Variants in ELANE observed in about 807,000 individuals in gnomAD.
ELANE encodes neutrophil elastase.
ELANE carries 12 observed loss-of-function variants against 20.6 expected under a neutral mutation model. That is an observed-to-expected ratio of 0.58 (90% CI 0.37 to 0.94). The LOEUF is 0.94. Ranked by LOEUF, ELANE falls within the 40% of genes least tolerant of loss-of-function variation. The pLI, the probability that ELANE is intolerant of heterozygous loss-of-function variation, is 0.01. For synonymous variants in ELANE, 203 were observed against 177.4 expected, an observed-to-expected ratio of 1.14 and a Z score of -1.15; for missense variants, 388 against 395.2, an observed-to-expected ratio of 0.98 and a Z score of 0.15.
At chr19:854,429 C>CAA (rs113532242) in intron 3 of ELANE, among the ~76,000 whole-genome samples, 43 of 125,636 alleles carry the variant, frequency 3.4e-4, no homozygotes, top group African/African-American at 1.2e-3. Context: ...GCCTGGGTCT[C>CAA]AAAAAAAAAA....
rs1568303962 is a variant in ELANE at position 852,813 on chromosome 19, C to T, written c.68-63C>T. 6 of 1,557,296 alleles carry T rather than the reference C, an allele frequency of 3.9e-6. No homozygotes were observed. The African/African-American group carries it at 5.4e-5, about 14-fold the overall frequency. Reference sequence around the variant, plus strand: ...TTCCTGGTGGGGGATCCAGAGGCCCCGTGGCCGGGAGGGGACAGGCTCCTT... The same window carrying T: ...TTCCTGGTGGGGGATCCAGAGGCCCTGTGGCCGGGAGGGGACAGGCTCCTT... On this transcript the variant is annotated intron_variant, in intron 1 of 4. Transcript: ENST00000263621.
Position 855,839 on chromosome 19 carries a change from C to A in ELANE, c.597+45C>A. Reference sequence around the variant, plus strand: ...CTCTGCTCCCCACCCGCTCCCAGCCCGGACTGCAGCAACAGGCACCGTGGC... The same window carrying A: ...CTCTGCTCCCCACCCGCTCCCAGCCAGGACTGCAGCAACAGGCACCGTGGC... On this transcript the variant is annotated intron_variant, in intron 4 of 4. Coordinates refer to ENST00000263621, the MANE Select transcript of ELANE (RefSeq NM_001972.4). The surrounding 1 kb of genome is among the most constrained non-coding windows in gnomAD (Gnocchi z 6.2). The A allele has an allele frequency of 6.2e-7, 1 of 1,605,168 alleles. No homozygotes were observed. The highest frequency in any genetic ancestry group is 8.5e-7 in the Non-Finnish European group (1 of 1,178,412).
chr19:853,603 G>A (rs1476283549), intron 3 of ELANE, among the ~76,000 whole-genome samples, 200 bp downstream of exon 3: 1 of 152,200 alleles, frequency 6.6e-6, no homozygotes, highest in East Asian at 1.9e-4. Flanking sequence ...GGGGTTAAAT[G>A]AGATCCTGCA....
In ELANE at chr19:855,867, G is replaced by A; in HGVS notation, c.597+73G>A. ...ACTGCAGCAACAGGCACCGTGGCTA[G>A]ACCCTAGGAGGGACTTCCCAACCCT... On this transcript the variant is annotated intron_variant, in intron 4 of 4. Coordinates refer to ENST00000263621, the MANE Select transcript of ELANE (RefSeq NM_001972.4). The surrounding 1 kb of genome is among the most constrained non-coding windows in gnomAD (Gnocchi z 6.2). 6.2e-7 allele frequency: 1 copy of A among 1,604,670 alleles called. No individual in the cohort carries two copies.
chr19:853,514 T>C (rs986025176), intron 3 of ELANE, 111 bp downstream of exon 3: 1 of 1,333,854 alleles, frequency 7.5e-7, no homozygotes. Context: ...TGGGGTGGCA[T>C]CGTGGGCTGG....
rs1322402865 is a variant in ELANE, at chr19:853,308, C to T, written c.271C>T (p.Arg91Trp). 3 of 1,610,766 alleles carry T rather than the reference C, an allele frequency of 1.9e-6. No individual in the cohort carries two copies. The highest frequency in any genetic ancestry group is 1.7e-4 in the Middle Eastern group (1 of 6,052). The change falls in exon 3 of 5, where the codon CGG (arginine) becomes TGG (tryptophan). Residue 91 changes from arginine to tryptophan, a missense_variant. Around this residue, in one of 3 missense-constraint regions of ELANE, gnomAD observed 321 missense variants for 309.8 expected, o/e 1.04. Transcript: ENST00000263621. ...GGTCCTGGGAGCCCATAACCTCTCGCGGCGGGAGCCCACCCGGCAGGTGTT... is the reference window on the plus strand; with the variant it reads ...GGTCCTGGGAGCCCATAACCTCTCGTGGCGGGAGCCCACCCGGCAGGTGTT... ...RVVLGAHNLS[R>W]REPTRQVFAV... is the part of the protein sequence containing the mutation.
chr19:854,761 CATTT>C (rs1197165250), intron 3 of ELANE, among the ~76,000 whole-genome samples: 1 of 141,708 alleles, frequency 7.1e-6, no homozygotes. Flanking sequence ...TTATAAATAT[CATTT>C]ATAATTATAA....
rs2035679367 is a variant in ELANE, at chr19:856,156, A to AG, written c.796_797insG (p.Thr266SerfsTer24). 6.2e-7 allele frequency: 1 copy of AG among 1,612,824 alleles called. No individual in the cohort carries two copies. Among genetic ancestry groups the AG allele is most frequent in the Non-Finnish European group, 8.5e-7 (1 of 1,180,028 alleles). On this transcript the variant is annotated frameshift_variant, in exon 5 of 5. Coordinates refer to ENST00000263621, the MANE Select transcript of ELANE (RefSeq NM_001972.4). LOFTEE classifies it high-confidence loss of function. Reference sequence around the variant, plus strand: ...CCGGGACCCGGACCCGGCCAGCAGGACCCACTGAGAAGGGCTGCCCGGGTC... The same window carrying AG: ...CCGGGACCCGGACCCGGCCAGCAGGAGCCCACTGAGAAGGGCTGCCCGGGTC...
intron 3 of ELANE, among the ~76,000 whole-genome samples, chr19:854,712 A>T (rs2035648481): frequency 6.8e-6 from 1 of 146,086 alleles, no homozygotes; most frequent in South Asian, 2.1e-4. Context: ...AATATATAAT[A>T]TTTATAATTA....
In ELANE at chr19:856,025, G is replaced by A. The variant is rs1555710104; in HGVS notation, c.665G>A (p.Gly222Asp). ...IHGIASFVRG[G>D]CASGLYPDAF... is the part of the protein sequence containing the mutation. ...GGAATTGCCTCCTTCGTCCGGGGAG[G>A]CTGCGCCTCAGGGCTCTACCCCGAT... The change falls in exon 5 of 5, where the codon GGC becomes GAC. Residue 222 changes from glycine to aspartate, a missense_variant. Gly to Asp is a moderately conservative substitution (Grantham distance 94). This residue lies in a region of ELANE where 321 missense variants were observed against 309.8 expected (regional missense o/e 1.04). Coordinates refer to ENST00000263621, the MANE Select transcript of ELANE (RefSeq NM_001972.4). 6.2e-7 allele frequency: 1 copy of A among 1,613,538 alleles called. No homozygotes were observed. The highest frequency in any genetic ancestry group is 1.7e-5 in the Admixed American group (1 of 60,030).
Position 856,181 on chromosome 19 carries a change from C to T in ELANE, c.*17C>T, listed in dbSNP as rs765186803. 1.2e-6 allele frequency: 2 copies of T among 1,612,450 alleles called. No homozygotes were observed. Among genetic ancestry groups the T allele is most frequent in the Non-Finnish European group, 1.7e-6 (2 of 1,179,774 alleles). ...ACCCACTGAGAAGGGCTGCCCGGGTCACCTCAGCTGCCCACACCCACACTC... is the reference window on the plus strand; with the variant it reads ...ACCCACTGAGAAGGGCTGCCCGGGTTACCTCAGCTGCCCACACCCACACTC... On this transcript the variant is annotated 3_prime_UTR_variant, in exon 5 of 5. Transcript: ENST00000263621.
intron 3 of ELANE, among the ~76,000 whole-genome samples, chr19:854,170 C>T (rs995001153): frequency 6.6e-6 from 1 of 152,174 alleles, no homozygotes; most frequent in Admixed American, 6.6e-5. Context: ...GGCGCCGGGC[C>T]CCGTGGCTCA....
At chr19:853,457 G>T in intron 3 of ELANE, 54 bp downstream of exon 3, 1 of 1,543,498 alleles carries the variant, frequency 6.5e-7, no homozygotes, top group Non-Finnish European at 8.8e-7. Context: ...GCCTGGGGAG[G>T]GTGGAGGCTG....
intron 3 of ELANE, among the ~76,000 whole-genome samples, chr19:854,388 C>A (rs2035641909): frequency 6.7e-6 from 1 of 150,090 alleles, no homozygotes; most frequent in African/African-American, 2.5e-5. Context: ...GCGGAGATTG[C>A]AGTGAGCTGA....
At chr19:853,096 G>A in intron 2 of ELANE, 64 bp downstream of exon 2, 2 of 1,516,822 alleles carry the variant, frequency 1.3e-6, no homozygotes, top group Non-Finnish European at 8.8e-7. Context: ...AGGTGGGTGG[G>A]GGGAGGCCGG....
At chr19:853,650 T>C (rs973990640) in intron 3 of ELANE, among the ~76,000 whole-genome samples, 2 of 151,132 alleles carry the variant, frequency 1.3e-5, no homozygotes, top group Admixed American at 6.6e-5. Context: ...ACAAACTTAC[T>C]GAGAAGGGAG....
In ELANE at chr19:852,938, A is replaced by G. The variant is rs767208047; in HGVS notation, c.130A>G (p.Met44Val). 6.3e-7 allele frequency: 1 copy of G among 1,597,686 alleles called. No individual in the cohort carries two copies. Among genetic ancestry groups the G allele is most frequent in the East Asian group, 2.2e-5 (1 of 44,710 alleles). The change falls in exon 2 of 5, where the codon ATG (methionine) becomes GTG (valine). Residue 44 changes from methionine to valine, a missense_variant. By Grantham distance (21) the Met-to-Val change is conservative. Around this residue, in one of 3 missense-constraint regions of ELANE, gnomAD observed 9 missense variants for 28.8 expected, o/e 0.31. Coordinates refer to ENST00000263621, the MANE Select transcript of ELANE (RefSeq NM_001972.4). ...RRARPHAWPF[M>V]VSLQLRGGHF... The stretch of plus-strand genomic sequence containing the variant: ...AGCGCGGCCCCACGCGTGGCCCTTC[A>G]TGGTGTCCCTGCAGCTGCGCGGAGG...
At chr19:854,244 C>G (rs1440850518) in intron 3 of ELANE, among the ~76,000 whole-genome samples, 1 of 151,950 alleles carries the variant, frequency 6.6e-6, no homozygotes. Flanking sequence ...GTGTTCGAGA[C>G]CAGCCTGAGC....
chr19:852,595 G>GA (rs1491327101), intron 1 of ELANE, among the ~76,000 whole-genome samples, 200 bp downstream of exon 1: 1 of 62,338 alleles, frequency 1.6e-5, no homozygotes, highest in African/African-American at 9.1e-5. Flanking sequence ...AAACCGGGGA[G>GA]GGGGGGGGGG....
Sources: gnomAD v4.1 joint callset for allele counts (sites outside exome capture counted in the v4.1 genomes callset) on GRCh38, gnomAD v4.1.1 for gene constraint, gnomAD v4.1.1 regional missense constraint, Gnocchi (gnomAD v3.1) non-coding constraint, MANE v1.5 for transcripts, NCBI Gene and HGNC (gene_info 2026-07-23, HGNC 2026-07-21) for gene names.